Variants in WDHD1 observed in about 807,000 individuals in gnomAD.
WDHD1 encodes the protein WD repeat and HMG-box DNA-binding protein 1.
WDHD1 carries 111 observed loss-of-function variants against 135.4 expected under a neutral mutation model. The observed-to-expected ratio is 0.82, with a 90% CI of 0.70 to 0.96. WDHD1 has a LOEUF of 0.96. WDHD1 is among the 40% of genes least tolerant of loss of function. The probability of loss-of-function intolerance (pLI) is 0.00; values close to 1 mark genes in which losing one functional copy is unlikely to be tolerated. For synonymous variants in WDHD1, 434 were observed against 439.0 expected, an observed-to-expected ratio of 0.99 and a Z score of 0.14; for missense variants, 1,351 against 1,336.3, an observed-to-expected ratio of 1.01 and a Z score of -0.17.
At chr14:54,974,294 A>G (rs1472515958) in intron 16 of WDHD1, among the ~76,000 whole-genome samples, 1 of 151,922 alleles carries the variant, frequency 6.6e-6, no homozygotes, top group Non-Finnish European at 1.5e-5. Flanking sequence ...TTTGCTAGGC[A>G]TGGCAGCATG....
intron 8 of WDHD1, among the ~76,000 whole-genome samples, chr14:55,001,619 C>T (rs1005424130): frequency 2.0e-5 from 3 of 152,158 alleles, no homozygotes; most frequent in East Asian, 1.9e-4. Context: ...GAAAGAGAGA[C>T]AATTCAAGAC....
chr14:54,975,703 C>T (rs759097029), intron 16 of WDHD1, among the ~76,000 whole-genome samples: 9 of 145,192 alleles, frequency 6.2e-5, no homozygotes, highest in Non-Finnish European at 9.1e-5. Context: ...TAAATTAATG[C>T]TTTTTTTTTT....
chr14:55,021,121 CT>C (rs1277949398), intron 2 of WDHD1, among the ~76,000 whole-genome samples: 1 of 152,146 alleles, frequency 6.6e-6, no homozygotes, highest in African/African-American at 2.4e-5. Flanking sequence ...CCGTCTGACT[CT>C]TTTCCTTTTT....
intron 8 of WDHD1, 132 bp from the exon 9 acceptor site, chr14:55,001,124 T>G (rs2041974111): frequency 2.0e-6 from 1 of 490,614 alleles, no homozygotes; most frequent in Admixed American, 4.1e-5. Context: ...ATTCAAATTT[T>G]TATATCCCTG....
At chr14:54,988,517 C>T (rs1307571845) in intron 13 of WDHD1, among the ~76,000 whole-genome samples, 2 of 152,048 alleles carry the variant, frequency 1.3e-5, no homozygotes, top group African/African-American at 2.4e-5. Context: ...GTCAACTCAT[C>T]AAATGGGTGC....
intron 25 of WDHD1, among the ~76,000 whole-genome samples, chr14:54,943,181 G>GTGCC (rs2040866006): frequency 1.3e-5 from 2 of 152,172 alleles, no homozygotes; most frequent in South Asian, 4.1e-4. Flanking sequence ...CTGAGAGATT[G>GTGCC]TGCCTTCCTT....
chr14:54,970,543 T>A (rs988814879), intron 16 of WDHD1, among the ~76,000 whole-genome samples: 1 of 150,894 alleles, frequency 6.6e-6, no homozygotes, highest in African/African-American at 2.4e-5. Context: ...TCCACACTCA[T>A]GGATTAGAAG....
chr14:55,016,277 A>C (rs1171646409), intron 2 of WDHD1, among the ~76,000 whole-genome samples: 1 of 152,232 alleles, frequency 6.6e-6, no homozygotes, highest in Non-Finnish European at 1.5e-5. Flanking sequence ...GAAAACCAAC[A>C]CAACCCTTTC....
At chr14:54,994,797 A>T (rs2140206977) in intron 11 of WDHD1, among the ~76,000 whole-genome samples, 1 of 151,988 alleles carries the variant, frequency 6.6e-6, no homozygotes, top group East Asian at 1.9e-4. Context: ...CTCATAACAT[A>T]TCTCAGTTTG....
chr14:54,941,330 T>C lies in WDHD1; in HGVS notation c.*160A>G, dbSNP rs1451041174. 5.4e-6 allele frequency: 3 copies of C among 559,290 alleles called. No homozygotes were observed. The highest frequency in any genetic ancestry group is 8.7e-6 in the Non-Finnish European group (3 of 344,578). The allele number at this position is 559,290 out of a possible 1,614,324, so 34.6% of individuals were successfully genotyped here. A position where few individuals can be genotyped will look rare whatever the true frequency, so the allele number is the denominator to read the frequency against. ...GATGATAGTTTTTACATATGTCCTG[T>C]TACCTACACCAATATAATTACTACA... On this transcript the variant is annotated 3_prime_UTR_variant, in exon 26 of 26. Transcript: ENST00000360586.
At chr14:54,996,008 A>G (rs369197345) in intron 10 of WDHD1, among the ~76,000 whole-genome samples, 195 bp from the exon 11 acceptor site, 108 of 152,340 alleles carry the variant, frequency 7.1e-4, no homozygotes, top group African/African-American at 2.4e-3. Context: ...TCCTTATTTC[A>G]AATGCCTTGT....
At chr14:54,997,644 G>A (rs1437382353) in intron 10 of WDHD1, among the ~76,000 whole-genome samples, 1 of 152,050 alleles carries the variant, frequency 6.6e-6, no homozygotes, top group Non-Finnish European at 1.5e-5. Flanking sequence ...CGGGCATGGT[G>A]TCTCATGCCT....
chr14:55,008,676 G>A lies in WDHD1; in HGVS notation c.385C>T (p.Gln129Ter), dbSNP rs543662972. 1.2e-6 allele frequency: 2 copies of A among 1,613,430 alleles called. No individual in the cohort carries two copies. The highest frequency in any genetic ancestry group is 3.3e-5 in the Admixed American group (2 of 59,876). ...GCATCATGTCCTCGAAATGTTTTCT[G>A]TTGGCTGCTATCCATCACATCCACA... The part of the protein sequence containing the change: ...KIVDVMDSSQ[Q>*]KTFRGHDAPV... Residue 129 changes from glutamine to a stop codon, truncating the protein, a stop_gained, in exon 5 of 26, where the codon CAG (glutamine) becomes TAG (stop). Transcript: ENST00000360586. LOFTEE classifies it high-confidence loss of function.
chr14:54,997,118 CAG>C (rs1212276042), intron 10 of WDHD1, among the ~76,000 whole-genome samples: 3 of 87,058 alleles, frequency 3.4e-5, no homozygotes, highest in African/African-American at 1.3e-4. Context: ...TTTTTTGACA[CAG>C]AGTCTCACCC....
chr14:55,008,134 G>A (rs930975700), intron 6 of WDHD1, among the ~76,000 whole-genome samples, 182 bp downstream of exon 6: 2 of 152,194 alleles, frequency 1.3e-5, no homozygotes, highest in African/African-American at 4.8e-5. Context: ...AATGCAATTA[G>A]TCTTCAACGT....
In WDHD1 at chr14:55,027,065, A is replaced by G. The variant is rs2042462125; in HGVS notation, c.-54T>C. On this transcript the variant is annotated 5_prime_UTR_variant, in exon 1 of 26. Coordinates refer to ENST00000360586, the MANE Select transcript of WDHD1 (RefSeq NM_007086.4). ...GCCTCCGCCACTGAGGATCCACAAGAGCTGCTTCCCGCGCTTCGGCTCGCT... is the reference window on the plus strand; with the variant it reads ...GCCTCCGCCACTGAGGATCCACAAGGGCTGCTTCCCGCGCTTCGGCTCGCT... 1 of 429,724 alleles carries G rather than the reference A, an allele frequency of 2.3e-6. No homozygotes were observed. Among genetic ancestry groups the G allele is most frequent in the African/African-American group, 2.0e-5 (1 of 50,562 alleles). The allele number at this position is 429,724 out of a possible 1,614,324, so 26.6% of individuals were successfully genotyped here.
At chr14:54,983,708 G>A (rs2041654515) in intron 15 of WDHD1, among the ~76,000 whole-genome samples, 3 of 151,652 alleles carry the variant, frequency 2.0e-5, no homozygotes, top group Admixed American at 6.6e-5. Flanking sequence ...AAATAGAGAT[G>A]GGATCTCACT....
chr14:54,944,616 C>A (rs1354193481), intron 24 of WDHD1, 146 bp from the exon 25 acceptor site: 171 of 268,814 alleles, frequency 6.4e-4, no homozygotes, highest in Non-Finnish European at 9.3e-4. Flanking sequence ...ATTCATGTTA[C>A]TTTTTTTTTT....
chr14:54,958,583 T>TG (rs2140162713), intron 21 of WDHD1, among the ~76,000 whole-genome samples: 1 of 152,340 alleles, frequency 6.6e-6, no homozygotes, highest in African/African-American at 2.4e-5. Context: ...ATCTGGTGGA[T>TG]ACCTTTCAGT....
Sources: gnomAD v4.1 joint callset for allele counts (sites outside exome capture counted in the v4.1 genomes callset) on GRCh38, gnomAD v4.1.1 for gene constraint, MANE v1.5 for transcripts, NCBI Gene and HGNC (gene_info 2026-07-23, HGNC 2026-07-21) for gene names.